Variants in AOAH observed in about 807,000 individuals in gnomAD.
AOAH encodes the protein acyloxyacyl hydrolase (neutrophil).
AOAH carries 64 observed loss-of-function variants against 92.2 expected under a neutral mutation model. That is an observed-to-expected ratio of 0.69 (90% CI 0.57 to 0.86). The LOEUF is 0.86. AOAH is among the 40% of genes least tolerant of loss of function. AOAH has a pLI of 0.00. For missense variants in AOAH, 656 were observed against 694.6 expected (o/e 0.94, Z 0.62); for synonymous variants, 263 against 254.5 (o/e 1.03, Z -0.32).
intron 6 of AOAH, among the ~76,000 whole-genome samples, chr7:36,630,708 G>A (rs1793013904): frequency 1.3e-5 from 2 of 152,156 alleles, no homozygotes; most frequent in African/African-American, 4.8e-5. Context: ...TTAAATTTTA[G>A]ATATGGGGAA....
At chr7:36,604,895 A>T (rs1790886831) in intron 11 of AOAH, among the ~76,000 whole-genome samples, 2 of 152,230 alleles carry the variant, frequency 1.3e-5, no homozygotes, top group Non-Finnish European at 2.9e-5. Context: ...TACCAACATG[A>T]GACCATGACC....
chr7:36,556,527 C>G (rs1301055242), intron 13 of AOAH, among the ~76,000 whole-genome samples: 1 of 151,432 alleles, frequency 6.6e-6, no homozygotes, highest in Non-Finnish European at 1.5e-5. Flanking sequence ...GAGTTCAATT[C>G]CTGGGTATCC....
intron 13 of AOAH, among the ~76,000 whole-genome samples, chr7:36,572,007 G>A (rs1788177269): frequency 6.6e-6 from 1 of 152,036 alleles, no homozygotes; most frequent in Non-Finnish European, 1.5e-5. Flanking sequence ...AGCTACAAGA[G>A]AATAATCAGA....
chr7:36,624,847 C>T (rs1165602388), intron 6 of AOAH, among the ~76,000 whole-genome samples: 4 of 152,346 alleles, frequency 2.6e-5, no homozygotes, highest in Non-Finnish European at 5.9e-5. Flanking sequence ...ACACCAACTC[C>T]TCCCTTTTGC....
chr7:36,587,605 A>G (rs60945056), intron 12 of AOAH, among the ~76,000 whole-genome samples: 36,571 of 152,086 alleles, frequency 0.24, 5,447 homozygotes, highest in African/African-American at 0.41. Flanking sequence ...GATATTCCAA[A>G]TGTTGATACA....
At chr7:36,689,205 C>A (rs1437829269) in intron 1 of AOAH, among the ~76,000 whole-genome samples, 2 of 152,134 alleles carry the variant, frequency 1.3e-5, no homozygotes, top group Non-Finnish European at 2.9e-5. Flanking sequence ...CATGAAACAA[C>A]CAGTGTCCTC....
chr7:36,631,018 C>CTGAT (rs953267999), intron 6 of AOAH, among the ~76,000 whole-genome samples: 7 of 152,256 alleles, frequency 4.6e-5, no homozygotes, highest in African/African-American at 1.7e-4. Flanking sequence ...GCCCATAAAC[C>CTGAT]TGATAGCAGC....
chr7:36,531,901 T>C (rs1784717192), intron 18 of AOAH, among the ~76,000 whole-genome samples: 1 of 151,728 alleles, frequency 6.6e-6, no homozygotes, highest in African/African-American at 2.4e-5. Flanking sequence ...TGTACACACA[T>C]GTGTACACAC....
At chr7:36,613,569 C>T (rs1000199983) in intron 11 of AOAH, among the ~76,000 whole-genome samples, 1 of 152,036 alleles carries the variant, frequency 6.6e-6, no homozygotes, top group East Asian at 1.9e-4. Flanking sequence ...TTCCTGCATG[C>T]CTCTCTCCTC....
At position 36,594,296 on chromosome 7, in the gene AOAH, C is replaced by A. The variant is rs1789944052; in HGVS notation, c.938+43G>T. 2.0e-6 allele frequency: 3 copies of A among 1,473,424 alleles called. No homozygotes were observed. The Admixed American group carries it at 5.0e-5, about 25-fold the overall frequency. 91.3% of individuals were successfully genotyped at this position (1,473,424 alleles called of 1,614,324 possible). On this transcript the variant is annotated intron_variant, in intron 12 of 20. Transcript: ENST00000617537. ...ACCCCCATCTCTTGTTCTTTCCTTA[C>A]ACAGAGGTATTGAAATGTCTGAGGG... is the stretch of plus-strand genomic sequence containing the variant.
intron 15 of AOAH, 120 bp from the exon 16 acceptor site, chr7:36,540,611 G>A (rs1283370623): frequency 3.2e-6 from 3 of 928,414 alleles, no homozygotes; most frequent in Admixed American, 2.9e-5. Context: ...CAGTGTGGTG[G>A]TCATTGGAGC....
At chr7:36,615,881 C>CTT (rs34306027) in intron 11 of AOAH, among the ~76,000 whole-genome samples, 1,954 of 146,322 alleles carry the variant, frequency 0.013, 50 homozygotes, top group African/African-American at 0.046. Context: ...TGGCCCTCTT[C>CTT]TTTTTTTTTT....
chr7:36,626,311 T>C (rs1228690710), intron 6 of AOAH, among the ~76,000 whole-genome samples: 2 of 152,208 alleles, frequency 1.3e-5, no homozygotes, highest in Non-Finnish European at 2.9e-5. Context: ...CCCACCTTTG[T>C]TATCTTGGGG....
At chr7:36,670,307 G>A (rs1025699419) in intron 3 of AOAH, among the ~76,000 whole-genome samples, 4 of 152,190 alleles carry the variant, frequency 2.6e-5, no homozygotes, top group Non-Finnish European at 4.4e-5. Flanking sequence ...CAAGCTGTAT[G>A]AAGAACATGC....
intron 19 of AOAH, among the ~76,000 whole-genome samples, chr7:36,525,760 C>T (rs939893199): frequency 5.9e-5 from 9 of 152,114 alleles, no homozygotes; most frequent in African/African-American, 2.2e-4. Context: ...CCAAAAACAT[C>T]CCCCAAAATC....
chr7:36,532,234 C>A, intron 17 of AOAH, 28 bp from the exon 18 acceptor site: 1 of 1,614,184 alleles, frequency 6.2e-7, no homozygotes, highest in Non-Finnish European at 8.5e-7. Context: ...CTTTTGATTA[C>A]AGAGGATCAG....
chr7:36,635,079 C>T (rs1304283359), intron 5 of AOAH, among the ~76,000 whole-genome samples: 1 of 152,120 alleles, frequency 6.6e-6, no homozygotes, highest in Non-Finnish European at 1.5e-5. Flanking sequence ...TGAGATGGGC[C>T]CCGAGCAACA....
intron 13 of AOAH, among the ~76,000 whole-genome samples, chr7:36,557,755 C>T (rs1363049428): frequency 6.6e-6 from 1 of 152,142 alleles, no homozygotes; most frequent in Non-Finnish European, 1.5e-5. Flanking sequence ...TCGCTGATAC[C>T]CTTTCTTCCA....
rs375392884 is a variant in AOAH at position 36,724,019 on chromosome 7, T to C, written c.127+3A>G. 1.7e-5 allele frequency: 27 copies of C among 1,612,586 alleles called. No individual in the cohort carries two copies. The African/African-American group carries it at 1.7e-4, about 10-fold the overall frequency. On this transcript the variant is annotated splice_donor_region_variant and intron_variant, in intron 1 of 20. Transcript: ENST00000617537. ...GAAAATACAAAAATATTTATTTGCATACCTACACAGGTGTGCCCATTCGAG... is the reference window on the plus strand; with the variant it reads ...GAAAATACAAAAATATTTATTTGCACACCTACACAGGTGTGCCCATTCGAG...
Sources: allele counts gnomAD v4.1 joint callset (sites outside exome capture counted in the v4.1 genomes callset), GRCh38; gene constraint gnomAD v4.1.1; transcripts MANE v1.5; gene names NCBI Gene and HGNC (gene_info 2026-07-23, HGNC 2026-07-21).